Variants in SYTL2 observed in about 807,000 individuals in gnomAD.
SYTL2 encodes synaptotagmin-like protein 2.
Under a neutral mutation model 198.7 loss-of-function variants are expected in SYTL2, and 165 were observed. That is an observed-to-expected ratio of 0.83 (90% CI 0.73 to 0.94). The LOEUF (loss-of-function observed/expected upper bound fraction) is 0.94, where lower values mean the gene tolerates loss of function less well. Among genes scored for constraint, SYTL2 ranks in the 40% least tolerant of loss-of-function variants. SYTL2 has a pLI of 0.00. For missense variants in SYTL2, 2,835 were observed against 2,582.8 expected, an observed-to-expected ratio of 1.10 and a Z score of -2.12; for synonymous variants, 966 against 917.7, an observed-to-expected ratio of 1.05 and a Z score of -0.95.
chr11:85,794,461 G>A (rs897994477), intron 1 of SYTL2, among the ~76,000 whole-genome samples: 5 of 152,052 alleles, frequency 3.3e-5, no homozygotes, highest in Non-Finnish European at 7.3e-5. Context: ...TTACAGTCAC[G>A]AGCCACCACG....
intron 1 of SYTL2, among the ~76,000 whole-genome samples, chr11:85,780,917 G>A (rs1478486240): frequency 6.6e-6 from 1 of 152,230 alleles, no homozygotes; most frequent in Non-Finnish European, 1.5e-5. Flanking sequence ...GTTAGGCAAT[G>A]TCAGAATTGA....
intron 11 of SYTL2, 73 bp downstream of exon 11, chr11:85,717,410 G>A: frequency 7.9e-7 from 1 of 1,258,096 alleles, no homozygotes; most frequent in Non-Finnish European, 1.2e-6. Flanking sequence ...TATTAATGGG[G>A]TTAGTTATTT....
intron 1 of SYTL2, among the ~76,000 whole-genome samples, chr11:85,789,384 A>AAG (rs1292492928): frequency 3.5e-5 from 3 of 86,514 alleles, no homozygotes; most frequent in African/African-American, 1.3e-4. Context: ...ATATGTATAT[A>AAG]TATATATATA....
intron 1 of SYTL2, among the ~76,000 whole-genome samples, chr11:85,767,541 C>T (rs1193943153): frequency 6.6e-6 from 1 of 152,070 alleles, no homozygotes; most frequent in African/African-American, 2.4e-5. Context: ...CCATCACCAG[C>T]CCAGACTTTA....
chr11:85,804,350 C>T (rs2092929916), intron 1 of SYTL2, among the ~76,000 whole-genome samples: 1 of 152,158 alleles, frequency 6.6e-6, no homozygotes, highest in South Asian at 2.1e-4. Context: ...GAGCAGAATA[C>T]AAGTAGGGTA....
At chr11:85,712,268 A>T (rs1464084250) in intron 12 of SYTL2, among the ~76,000 whole-genome samples, 1 of 152,208 alleles carries the variant, frequency 6.6e-6, no homozygotes, top group Non-Finnish European at 1.5e-5. Flanking sequence ...AAAAAAATTC[A>T]TATCTTTTAA....
intron 1 of SYTL2, among the ~76,000 whole-genome samples, chr11:85,804,318 G>T (rs1001353870): frequency 6.6e-6 from 1 of 152,142 alleles, no homozygotes. Flanking sequence ...TTGCAGCTTC[G>T]TACGTAATTT....
intron 1 of SYTL2, among the ~76,000 whole-genome samples, chr11:85,789,898 T>C (rs909852250): frequency 6.6e-6 from 1 of 152,148 alleles, no homozygotes; most frequent in South Asian, 2.1e-4. Flanking sequence ...CTTCAAAACA[T>C]ATTAGGGTGA....
intron 17 of SYTL2, 56 bp downstream of exon 17, chr11:85,700,459 G>A (rs928482767): frequency 2.1e-6 from 3 of 1,400,720 alleles, no homozygotes; most frequent in Non-Finnish European, 3.0e-6. Flanking sequence ...AGTAAATACT[G>A]TGAGAAGGGA....
intron 1 of SYTL2, among the ~76,000 whole-genome samples, chr11:85,780,169 A>G (rs763478432): frequency 1.3e-5 from 2 of 152,244 alleles, no homozygotes; most frequent in Non-Finnish European, 2.9e-5. Flanking sequence ...AAACCATCCC[A>G]AAGTCTGTAG....
the SYTL2 span, chr11:85,854,075 A>G: frequency 1.3e-4 from 20 of 152,200 alleles, no homozygotes; most frequent in African/African-American, 4.8e-4. Flanking sequence ...TACCGCAAGC[A>G]ATCTGTCCAC....
At chr11:85,825,201 A>G in the SYTL2 span, among the ~76,000 whole-genome samples, 11 of 152,060 alleles carry the variant, frequency 7.2e-5, no homozygotes, top group Non-Finnish European at 1.5e-4. Flanking sequence ...ATCCCGGCTA[A>G]AACGGTGAAA....
At chr11:85,765,199 G>T (rs904714888) in intron 1 of SYTL2, among the ~76,000 whole-genome samples, 3 of 152,174 alleles carry the variant, frequency 2.0e-5, no homozygotes, top group Non-Finnish European at 2.9e-5. Flanking sequence ...CAAATGAAAG[G>T]ATATAGATAG....
At chr11:85,719,031 A>C (rs1233071799) in intron 9 of SYTL2, 188 bp from the exon 10 acceptor site, 10 of 1,522,954 alleles carry the variant, frequency 6.6e-6, no homozygotes, top group Middle Eastern at 1.7e-4. Context: ...CCATAGCGGG[A>C]GCTCCCATTT....
chr11:85,762,415 C>T (rs2092121410), intron 1 of SYTL2, among the ~76,000 whole-genome samples: 1 of 152,182 alleles, frequency 6.6e-6, no homozygotes, highest in Non-Finnish European at 1.5e-5. Flanking sequence ...CTCTCCTACC[C>T]ATCCTCCATT....
intron 1 of SYTL2, among the ~76,000 whole-genome samples, chr11:85,772,501 C>T (rs2092375910): frequency 6.6e-6 from 1 of 152,258 alleles, no homozygotes; most frequent in Non-Finnish European, 1.5e-5. Context: ...AGCACCAACT[C>T]TGCCCAGGCA....
chr11:85,773,961 G>GTT (rs11422008), intron 1 of SYTL2, among the ~76,000 whole-genome samples: 2 of 151,912 alleles, frequency 1.3e-5, no homozygotes, highest in Non-Finnish European at 2.9e-5. Flanking sequence ...CAGCTATGTG[G>GTT]TTTTTTCTTT....
Position 85,745,582 on chromosome 11 carries a change from C to CA in SYTL2, c.389+54dup, listed in dbSNP as rs1269382664. On this transcript the variant is annotated intron_variant, in intron 4 of 19. Coordinates refer to ENST00000359152, the MANE Select transcript of SYTL2 (RefSeq NM_206927.4). ...ATAGCCTGCCATTCTGCCCATGTGA[C>CA]ACCCCAGGCCATGAAAGCCACATGC... 3 of 1,574,606 alleles carry CA rather than the reference C, an allele frequency of 1.9e-6. No individual in the cohort carries two copies. The African/African-American group carries it at 4.0e-5, about 21-fold the overall frequency.
intron 1 of SYTL2, among the ~76,000 whole-genome samples, chr11:85,792,648 T>C (rs2092746619): frequency 6.6e-6 from 1 of 151,750 alleles, no homozygotes; most frequent in Non-Finnish European, 1.5e-5. Context: ...ATTATTATAC[T>C]TTAAGTTTTA....
Sources: gnomAD v4.1 joint callset for allele counts (sites outside exome capture counted in the v4.1 genomes callset) on GRCh38, gnomAD v4.1.1 for gene constraint, MANE v1.5 for transcripts, NCBI Gene and HGNC (gene_info 2026-07-23, HGNC 2026-07-21) for gene names.